Variants in ALMS1 observed in about 807,000 individuals in gnomAD.
ALMS1 encodes ALMS1 centrosome and basal body associated protein, also known as centrosome-associated protein ALMS1.
ALMS1 carries 271 observed loss-of-function variants against 352.2 expected under a neutral mutation model. That is an observed-to-expected ratio of 0.77 (90% CI 0.70 to 0.85). The LOEUF is 0.85. Ranked by LOEUF, ALMS1 falls within the 40% of genes least tolerant of loss-of-function variation. ALMS1 has a pLI of 0.00. For missense variants in ALMS1, 5,445 were observed against 4,870.7 expected (o/e 1.12, Z -3.51); for synonymous variants, 1,865 against 1,761.2 (o/e 1.06, Z -1.48).
intron 13 of ALMS1, 43 bp downstream of exon 13, chr2:73,550,480 T>G: frequency 6.2e-7 from 1 of 1,604,074 alleles, no homozygotes; most frequent in Non-Finnish European, 8.5e-7. Flanking sequence ...TTTTCTCCCC[T>G]TTTCATCCTA....
Position 73,493,389 on chromosome 2 carries a change from C to CAT in ALMS1, c.9539+1901_9539+1902dup, listed in dbSNP as rs561483326. 5.7e-4 allele frequency among the ~76,000 whole-genome samples: 85 copies of CAT among 150,130 alleles called. 1 individual carries two copies. The East Asian group carries it at 0.01, about 18-fold the overall frequency. ...CACACACACACACAGATGCATAAAA[C>CAT]ATATATATATAAGTAAATATATATA... On this transcript the variant is annotated intron_variant, in intron 10 of 22. Transcript: ENST00000613296.
chr2:73,603,206 A>C (rs778207938), intron 20 of ALMS1, 35 bp from the exon 21 acceptor site: 1 of 1,607,790 alleles, frequency 6.2e-7, no homozygotes, highest in South Asian at 1.1e-5. Flanking sequence ...GGGTTAAGTC[A>C]CTGTCCACTG....
intron 10 of ALMS1, among the ~76,000 whole-genome samples, chr2:73,519,045 A>G (rs1182849558): frequency 6.6e-6 from 1 of 152,216 alleles, no homozygotes; most frequent in African/African-American, 2.4e-5. Flanking sequence ...TGGTATCCAC[A>G]TCATCACTGG....
intron 1 of ALMS1, among the ~76,000 whole-genome samples, chr2:73,398,154 T>G (rs1199908289): frequency 6.6e-6 from 1 of 152,216 alleles, no homozygotes; most frequent in African/African-American, 2.4e-5. Flanking sequence ...TGAATTAATT[T>G]TTGTGTGTGA....
intron 16 of ALMS1, among the ~76,000 whole-genome samples, chr2:73,587,656 A>G (rs943952556): frequency 1.3e-5 from 2 of 152,068 alleles, no homozygotes; most frequent in African/African-American, 4.8e-5. Flanking sequence ...TATCTTTTTG[A>G]TATGCTGTTG....
chr2:73,581,401 CTGT>C (rs1675174974), intron 16 of ALMS1, among the ~76,000 whole-genome samples: 1 of 152,212 alleles, frequency 6.6e-6, no homozygotes, highest in Non-Finnish European at 1.5e-5. Flanking sequence ...CTACTCCGTG[CTGT>C]CTTTGGGAGC....
intron 16 of ALMS1, among the ~76,000 whole-genome samples, chr2:73,588,241 T>C (rs1270771825): frequency 6.6e-6 from 1 of 152,252 alleles, no homozygotes; most frequent in East Asian, 1.9e-4. Context: ...CTTTCTGTGT[T>C]TCTCTCTGCC....
intron 7 of ALMS1, among the ~76,000 whole-genome samples, chr2:73,439,057 C>G (rs962440841): frequency 6.7e-6 from 1 of 149,218 alleles, no homozygotes. Context: ...CTTCCTCCTG[C>G]TCCTCCTCTT....
At chr2:73,598,564 T>C (rs1311602759) in intron 16 of ALMS1, among the ~76,000 whole-genome samples, 1 of 152,302 alleles carries the variant, frequency 6.6e-6, no homozygotes, top group South Asian at 2.1e-4. Flanking sequence ...AGGGATCAGA[T>C]ATGCTCAGTT....
intron 9 of ALMS1, among the ~76,000 whole-genome samples, chr2:73,480,850 G>A (rs1330403410): frequency 1.3e-5 from 2 of 151,178 alleles, no homozygotes. Context: ...TTTTTCATGT[G>A]TTTTTTGTCT....
intron 10 of ALMS1, among the ~76,000 whole-genome samples, chr2:73,508,281 C>G (rs1487271471): frequency 6.7e-6 from 1 of 148,920 alleles, no homozygotes; most frequent in African/African-American, 2.5e-5. Flanking sequence ...CGGCTTACTG[C>G]AAGCTCTGCC....
chr2:73,496,161 T>C (rs960097221), intron 10 of ALMS1, among the ~76,000 whole-genome samples: 1 of 152,228 alleles, frequency 6.6e-6, no homozygotes, highest in African/African-American at 2.4e-5. Context: ...CTTTCTGTGC[T>C]TTACAATTCT....
intron 9 of ALMS1, among the ~76,000 whole-genome samples, chr2:73,463,716 AAAAG>A (rs1672260836): frequency 7.3e-6 from 1 of 137,020 alleles, no homozygotes; most frequent in Non-Finnish European, 1.6e-5. Context: ...AATAAAGAAA[AAAAG>A]AGAGAAGAAT....
intron 16 of ALMS1, among the ~76,000 whole-genome samples, chr2:73,590,043 T>C (rs1004684558): frequency 6.6e-6 from 1 of 151,680 alleles, no homozygotes; most frequent in Non-Finnish European, 1.5e-5. Context: ...GGAAGATAGG[T>C]GTTTTTTTTT....
At chr2:73,418,480 G>A (rs567954306) in intron 2 of ALMS1, among the ~76,000 whole-genome samples, 1 of 152,154 alleles carries the variant, frequency 6.6e-6, no homozygotes, top group Admixed American at 6.5e-5. Flanking sequence ...CTCTAGCATC[G>A]CCGCCACGAA....
intron 21 of ALMS1, among the ~76,000 whole-genome samples, chr2:73,607,852 C>T (rs1196427267): frequency 6.1e-5 from 9 of 148,244 alleles, no homozygotes; most frequent in Admixed American, 1.4e-4. Flanking sequence ...TTAGTAGAGA[C>T]GGGCTTTCAC....
intron 16 of ALMS1, among the ~76,000 whole-genome samples, chr2:73,588,177 T>C (rs1675349428): frequency 6.6e-6 from 1 of 152,202 alleles, no homozygotes; most frequent in Non-Finnish European, 1.5e-5. Context: ...GAAACCAGTA[T>C]CACCCTAATA....
chr2:73,547,330 A>G (rs1354147999), intron 12 of ALMS1, among the ~76,000 whole-genome samples: 1 of 152,254 alleles, frequency 6.6e-6, no homozygotes, highest in Admixed American at 6.5e-5. Flanking sequence ...GATTAACATC[A>G]GGTTACTTAC....
chr2:73,449,257 CAG>C lies in ALMS1; in HGVS notation c.2736_2737del (p.Lys913AlafsTer16). 1 of 1,614,008 alleles carries C rather than the reference CAG, an allele frequency of 6.2e-7. No homozygotes were observed. Among genetic ancestry groups the C allele is most frequent in the Non-Finnish European group, 8.5e-7 (1 of 1,179,972 alleles). ...CAGCACCATCTAGTTTCTACTCACA[CAG>C]AGAGAAGCCCATTATTTTTTCCCAG... ...PSAPSSFYSH[R>X]EKPIIFSQQT... On this transcript the variant is annotated frameshift_variant, in exon 8 of 23. Transcript: ENST00000613296. LOFTEE classifies it high-confidence loss of function.
Sources: allele counts gnomAD v4.1 joint callset (sites outside exome capture counted in the v4.1 genomes callset), GRCh38; gene constraint gnomAD v4.1.1; transcripts MANE v1.5; gene names NCBI Gene and HGNC (gene_info 2026-07-23, HGNC 2026-07-21).